Variants in DOCK4 observed in about 807,000 individuals in gnomAD.
DOCK4 encodes the protein dedicator of cytokinesis protein 4.
DOCK4 carries 97 observed loss-of-function variants against 268.1 expected under a neutral mutation model. The observed-to-expected ratio is 0.36, with a 90% CI of 0.31 to 0.43. DOCK4 has a LOEUF of 0.43. Among genes scored for constraint, DOCK4 ranks in the 20% least tolerant of loss-of-function variants. The pLI is 1.00. For synonymous variants in DOCK4, 954 were observed against 887.2 expected (o/e 1.08, Z -1.34); for missense variants, 2,145 against 2,455.7 (o/e 0.87, Z 2.67).
chr7:111,757,468 C>A (rs1236947256), intron 41 of DOCK4, among the ~76,000 whole-genome samples: 1 of 152,148 alleles, frequency 6.6e-6, no homozygotes, highest in Admixed American at 6.5e-5. Context: ...CATCAACTAG[C>A]TATATCTTCT....
chr7:111,769,470 G>A, intron 37 of DOCK4, 59 bp downstream of exon 37: 3 of 1,596,208 alleles, frequency 1.9e-6, no homozygotes, highest in Non-Finnish European at 2.6e-6. Context: ...AAATGAAAGG[G>A]AAAGGGACAT....
intron 1 of DOCK4, among the ~76,000 whole-genome samples, chr7:112,131,756 G>GT (rs1813823435): frequency 6.6e-6 from 1 of 152,164 alleles, no homozygotes; most frequent in Non-Finnish European, 1.5e-5. Flanking sequence ...CCTTAAAGAT[G>GT]TAATAGGAGA....
chr7:112,049,695 G>A (rs1805175186), intron 1 of DOCK4, among the ~76,000 whole-genome samples: 1 of 152,148 alleles, frequency 6.6e-6, no homozygotes, highest in African/African-American at 2.4e-5. Flanking sequence ...TTAGCCAAAA[G>A]AAAGCTGGAG....
At chr7:111,859,489 G>T (rs927509895) in intron 23 of DOCK4, among the ~76,000 whole-genome samples, 12 of 151,792 alleles carry the variant, frequency 7.9e-5, no homozygotes, top group African/African-American at 2.9e-4. Context: ...TAAAACTAGG[G>T]CATTCAATTC....
At chr7:111,970,160 A>G (rs1164630425) in intron 8 of DOCK4, among the ~76,000 whole-genome samples, 1 of 152,182 alleles carries the variant, frequency 6.6e-6, no homozygotes, top group Non-Finnish European at 1.5e-5. Flanking sequence ...CACACTGGTG[A>G]GTAAAAATAG....
At chr7:112,085,744 G>C (rs935113372) in intron 1 of DOCK4, among the ~76,000 whole-genome samples, 1 of 152,112 alleles carries the variant, frequency 6.6e-6, no homozygotes, top group Non-Finnish European at 1.5e-5. Flanking sequence ...GCTTGATAGA[G>C]AACTTTCAAA....
rs79207577 is a variant in DOCK4 at position 112,203,486 on chromosome 7, T to C, written c.37+2616A>G. ...TTACAGTATGCTGCTTAAAATTTAA[T>C]CATAAGTATATAAAAGCATAATTAT... On this transcript the variant is annotated intron_variant, in intron 1 of 52. Coordinates refer to ENST00000428084, the MANE Select transcript of DOCK4 (RefSeq NM_001363540.2). Among the ~76,000 whole-genome samples, 532 of 152,310 alleles carry C rather than the reference T, an allele frequency of 3.5e-3. 4 individuals are homozygous for C. Among genetic ancestry groups the C allele is most frequent in the Admixed American group, 0.025 (376 of 15,296 alleles).
intron 1 of DOCK4, among the ~76,000 whole-genome samples, chr7:112,006,368 C>T (rs1361207693): frequency 6.6e-6 from 1 of 152,160 alleles, no homozygotes; most frequent in African/African-American, 2.4e-5. Flanking sequence ...ATTGAGAATA[C>T]TATTTTAAGA....
intron 17 of DOCK4, among the ~76,000 whole-genome samples, chr7:111,876,186 T>C (rs1304280832): frequency 6.6e-6 from 1 of 152,202 alleles, no homozygotes; most frequent in Non-Finnish European, 1.5e-5. Context: ...TAACATATCT[T>C]AACTTGGTGT....
rs375392870 is a variant in DOCK4, at chr7:111,955,586, G to A, written c.702-9788C>T. Among the ~76,000 whole-genome samples the A allele has an allele frequency of 8.2e-4, 125 of 152,162 alleles. 1 individual carries two copies. The highest frequency in any genetic ancestry group is 2.8e-3 in the African/African-American group (117 of 41,508). ...ATGATTATTGTGTACAATATTCTCC[G>A]TCACGCTATTTGTCTTTGCAGAAAA... On this transcript the variant is annotated intron_variant, in intron 8 of 52. Coordinates refer to ENST00000428084, the MANE Select transcript of DOCK4 (RefSeq NM_001363540.2).
intron 23 of DOCK4, among the ~76,000 whole-genome samples, chr7:111,856,286 C>T (rs1253680401): frequency 6.6e-6 from 1 of 152,110 alleles, no homozygotes; most frequent in African/African-American, 2.4e-5. Flanking sequence ...CTTGTGACTC[C>T]CAAAATATGT....
intron 41 of DOCK4, among the ~76,000 whole-genome samples, chr7:111,758,238 C>T (rs1266565516): frequency 6.6e-6 from 1 of 152,152 alleles, no homozygotes; most frequent in Non-Finnish European, 1.5e-5. Context: ...ATTCATTGAA[C>T]TTTACGTGAA....
chr7:112,009,700 TG>T (rs1562987829), intron 1 of DOCK4, among the ~76,000 whole-genome samples: 1 of 152,166 alleles, frequency 6.6e-6, no homozygotes. Flanking sequence ...GAGGATTATT[TG>T]GGGGGATCAC....
At chr7:112,092,119 C>G (rs890520852) in intron 1 of DOCK4, among the ~76,000 whole-genome samples, 1 of 152,146 alleles carries the variant, frequency 6.6e-6, no homozygotes, top group Non-Finnish European at 1.5e-5. Flanking sequence ...CCCACACCCC[C>G]ACCCAGGCTG....
In DOCK4 at chr7:111,838,381, A is replaced by G. The variant is rs563340209; in HGVS notation, c.2737-3695T>C. Among the ~76,000 whole-genome samples, 106 of 152,314 alleles carry G rather than the reference A, an allele frequency of 7.0e-4. 2 individuals carry two copies. Among genetic ancestry groups the G allele is most frequent in the African/African-American group, 2.4e-3 (99 of 41,586 alleles). On this transcript the variant is annotated intron_variant, in intron 25 of 52. Transcript: ENST00000428084. ...CAGAAAAACAGGTAAATGGAACACA[A>G]TAGCCAAACCCAGGAACAACTCAAA... is the stretch of plus-strand genomic sequence containing the variant.
intron 1 of DOCK4, among the ~76,000 whole-genome samples, chr7:112,178,009 T>C (rs575715046): frequency 3.3e-5 from 5 of 152,308 alleles, no homozygotes; most frequent in Admixed American, 6.5e-5. Flanking sequence ...TGTGGGACCA[T>C]AATCAATCCA....
At chr7:111,984,628 T>A (rs944752226) in intron 6 of DOCK4, among the ~76,000 whole-genome samples, 1 of 152,194 alleles carries the variant, frequency 6.6e-6, no homozygotes, top group Non-Finnish European at 1.5e-5. Context: ...GGGTTGGCAC[T>A]CTCAGTGGAG....
At chr7:111,983,844 A>ACGCG (rs57929541) in intron 7 of DOCK4, among the ~76,000 whole-genome samples, 133 of 138,978 alleles carry the variant, frequency 9.6e-4, no homozygotes, top group Non-Finnish European at 1.7e-3. Context: ...GTACACACAC[A>ACGCG]CGCGCGCGCG....
intron 1 of DOCK4, among the ~76,000 whole-genome samples, chr7:112,165,718 G>GA (rs940808363): frequency 6.6e-6 from 1 of 151,702 alleles, no homozygotes; most frequent in Non-Finnish European, 1.5e-5. Flanking sequence ...AATGTAAGGG[G>GA]AAAAAAATCA....
Sources: gnomAD v4.1 joint callset for allele counts (sites outside exome capture counted in the v4.1 genomes callset) on GRCh38, gnomAD v4.1.1 for gene constraint, MANE v1.5 for transcripts, NCBI Gene and HGNC (gene_info 2026-07-23, HGNC 2026-07-21) for gene names.